The following NIM1K variants were observed in gnomAD, a reference collection of about 807,000 sequenced individuals.
NIM1K encodes serine/threonine-protein kinase NIM1.
Under a neutral mutation model 37.1 loss-of-function variants are expected in NIM1K, and 35 were observed. The ratio of observed to expected loss-of-function variants is 0.94; its 90% CI spans 0.72 to 1.25. The LOEUF is 1.25. Among genes scored for constraint, NIM1K ranks in the 50% most tolerant of loss-of-function variants. The pLI is 0.00. For synonymous variants in NIM1K, 234 were observed against 206.6 expected (o/e 1.13, Z -1.14); for missense variants, 564 against 548.0 (o/e 1.03, Z -0.29).
Position 43,232,535 on chromosome 5 carries a change from A to T in NIM1K, c.-694-12547A>T. ...GCGTTCAGTATCAAGGTTCTATGCC[A>T]GATATCATAAGTGGCCTCATTGTCT... On this transcript the variant is annotated intron_variant, in intron 1 of 3. Transcript: ENST00000326035. The T allele has an allele frequency of 1.9e-6, 3 of 1,575,006 alleles. No individual in the cohort carries two copies. In the South Asian group the frequency reaches 3.4e-5, roughly 18 times the overall value.
intron 1 of NIM1K, among the ~76,000 whole-genome samples, chr5:43,194,025 A>G (rs1221763033): frequency 6.6e-6 from 1 of 152,160 alleles, no homozygotes; most frequent in African/African-American, 2.4e-5. Context: ...TCCATGCAAC[A>G]CAGCTTTCCG....
intron 2 of NIM1K, among the ~76,000 whole-genome samples, chr5:43,259,276 G>A (rs780759529): frequency 1.3e-5 from 2 of 151,676 alleles, no homozygotes; most frequent in Non-Finnish European, 2.9e-5. Flanking sequence ...ACCCAGTAGG[G>A]GATTGTTGGA....
At chr5:43,206,002 G>A (rs755332779) in intron 1 of NIM1K, among the ~76,000 whole-genome samples, 7 of 152,046 alleles carry the variant, frequency 4.6e-5, no homozygotes, top group African/African-American at 1.4e-4. Flanking sequence ...ATGAGCTTCC[G>A]CGCCCGGCCT....
intron 2 of NIM1K, among the ~76,000 whole-genome samples, chr5:43,267,917 T>C (rs1180334602): frequency 6.6e-6 from 1 of 152,234 alleles, no homozygotes; most frequent in South Asian, 2.1e-4. Context: ...GAAGAAAGTA[T>C]ATTCTATAGT....
chr5:43,227,795 A>G (rs955939676), intron 1 of NIM1K, among the ~76,000 whole-genome samples: 2 of 152,158 alleles, frequency 1.3e-5, no homozygotes, highest in African/African-American at 4.8e-5. Context: ...GCAATGTGAC[A>G]CTTGGACTTA....
chr5:43,220,590 T>A (rs1236109722), intron 1 of NIM1K, among the ~76,000 whole-genome samples: 2 of 152,288 alleles, frequency 1.3e-5, no homozygotes, highest in African/African-American at 4.8e-5. Flanking sequence ...CCACGGTGGC[T>A]CTCTTTAATT....
intron 1 of NIM1K, among the ~76,000 whole-genome samples, chr5:43,223,186 G>C (rs1301056897): frequency 6.7e-6 from 1 of 149,740 alleles, no homozygotes; most frequent in African/African-American, 2.5e-5. Flanking sequence ...AAACATTCAG[G>C]AAATAACTAT....
rs535722436 is a variant in NIM1K, at chr5:43,207,859, T to C, written c.-695+15448T>C. 38 of 331,458 alleles carry C rather than the reference T, an allele frequency of 1.1e-4. 1 individual carries two copies. In the South Asian group the frequency reaches 1.7e-3, roughly 14 times the overall value. The allele number at this position is 331,458 out of a possible 1,614,324, so 20.5% of individuals were successfully genotyped here. A position where few individuals can be genotyped will look rare whatever the true frequency, so the allele number is the denominator to read the frequency against. ...TGTGTTGCAAATAGCCTTCCTGACC[T>C]CCATATGCTGTACATGACATCAGAA... is the stretch of plus-strand genomic sequence containing the variant. On this transcript the variant is annotated intron_variant, in intron 1 of 3. Coordinates refer to ENST00000326035, the MANE Select transcript of NIM1K (RefSeq NM_153361.4).
chr5:43,233,065 G>A, intron 1 of NIM1K: 1 of 1,332,590 alleles, frequency 7.5e-7, no homozygotes, highest in Non-Finnish European at 1.1e-6. Context: ...CTTGTCACTT[G>A]GCATCTGGCC....
intron 1 of NIM1K, chr5:43,207,905 G>T: frequency 2.9e-6 from 1 of 343,614 alleles, no homozygotes; most frequent in Non-Finnish European, 4.3e-6. Flanking sequence ...AATTGATTGT[G>T]AATTCCTCAA....
chr5:43,246,248 A>T (rs1216712179), intron 2 of NIM1K, among the ~76,000 whole-genome samples, 181 bp downstream of exon 2: 1 of 152,166 alleles, frequency 6.6e-6, no homozygotes, highest in Non-Finnish European at 1.5e-5. Flanking sequence ...TAACCATGTG[A>T]GGTCAATATT....
chr5:43,280,662 A>G lies in NIM1K; in HGVS notation c.1244A>G (p.Asp415Gly), dbSNP rs908422392. 4 of 1,613,508 alleles carry G rather than the reference A, an allele frequency of 2.5e-6. No individual in the cohort carries two copies. The African/African-American group carries it at 5.3e-5, about 22-fold the overall frequency. The change falls in exon 4 of 4, where the codon GAC (aspartate) becomes GGC (glycine). Residue 415 changes from aspartate (D) to glycine (G), a missense_variant. Asp to Gly is a moderately conservative substitution (Grantham distance 94). Coordinates refer to ENST00000326035, the MANE Select transcript of NIM1K (RefSeq NM_153361.4). ...ATGCTACCAGACCCTAAAGAAAGAG[A>G]CCTCAAAAAAGGGTCCCGTGTCTAC... ...VMMLPDPKER[D>G]LKKGSRVYRG...
chr5:43,216,200 A>G (rs963177057), intron 1 of NIM1K, among the ~76,000 whole-genome samples: 4 of 152,062 alleles, frequency 2.6e-5, no homozygotes, highest in Non-Finnish European at 5.9e-5. Context: ...GCTTTTTCTG[A>G]AGACCCCAGG....
At position 43,232,323 on chromosome 5, in the gene NIM1K, T is replaced by C; in HGVS notation, c.-694-12759T>C. On this transcript the variant is annotated intron_variant, in intron 1 of 3. Transcript: ENST00000326035. Reference sequence around the variant, plus strand: ...GCAGTCTCTGCTACAGAAAGCTGTTTCATGGTAGGCTTTCTCAGCAGAGAT... The same window carrying C: ...GCAGTCTCTGCTACAGAAAGCTGTTCCATGGTAGGCTTTCTCAGCAGAGAT... The C allele has an allele frequency of 7.1e-6, 9 of 1,272,898 alleles. 1 individual carries two copies. In the South Asian group the frequency reaches 1.1e-4, roughly 15 times the overall value. 78.9% of individuals were successfully genotyped at this position (1,272,898 alleles called of 1,614,324 possible).
intron 1 of NIM1K, among the ~76,000 whole-genome samples, chr5:43,238,298 C>T (rs1752650109): frequency 6.6e-6 from 1 of 151,938 alleles, no homozygotes; most frequent in South Asian, 2.1e-4. Context: ...CGCCTTCAGC[C>T]TCCCAAAGTG....
intron 2 of NIM1K, among the ~76,000 whole-genome samples, chr5:43,274,273 G>T (rs1175560909): frequency 2.0e-5 from 3 of 152,194 alleles, no homozygotes; most frequent in African/African-American, 7.2e-5. Flanking sequence ...AGGGACATTT[G>T]TGATGGCAGC....
intron 2 of NIM1K, among the ~76,000 whole-genome samples, chr5:43,275,824 A>T (rs913062988): frequency 6.6e-6 from 1 of 152,006 alleles, no homozygotes; most frequent in African/African-American, 2.4e-5. Flanking sequence ...ACCTTGAAGG[A>T]TCATCAGGAA....
chr5:43,200,582 G>A (rs1752003171), intron 1 of NIM1K, among the ~76,000 whole-genome samples: 1 of 152,204 alleles, frequency 6.6e-6, no homozygotes, highest in Non-Finnish European at 1.5e-5. Context: ...TTACAGGCGT[G>A]AGCCACTGCG....
intron 2 of NIM1K, among the ~76,000 whole-genome samples, chr5:43,253,195 AATATATAATATAATATATG>A (rs1752891723): frequency 8.4e-6 from 1 of 119,540 alleles, no homozygotes; most frequent in Non-Finnish European, 1.6e-5. Flanking sequence ...TATATAATAT[AATATATAATATAATATATG>A]TGTGTGTGTG....
Sources: gnomAD v4.1 joint callset for allele counts (sites outside exome capture counted in the v4.1 genomes callset) on GRCh38, gnomAD v4.1.1 for gene constraint, MANE v1.5 for transcripts, NCBI Gene and HGNC (gene_info 2026-07-23, HGNC 2026-07-21) for gene names.